Variants in FRRS1L observed in about 807,000 individuals in gnomAD.
FRRS1L encodes the protein ferric chelate reductase 1 like.
A neutral mutation model predicts 28.6 loss-of-function variants in FRRS1L; 22 were observed. The observed-to-expected ratio is 0.77, with a 90% confidence interval of 0.55 to 1.10. FRRS1L has a LOEUF of 1.10. Among genes scored for constraint, FRRS1L ranks in the 50% least tolerant of loss-of-function variants. The pLI is 0.00. For synonymous variants in FRRS1L, 158 were observed against 151.4 expected (o/e 1.04, Z -0.32); for missense variants, 380 against 386.9 (o/e 0.98, Z 0.15).
intron 1 of FRRS1L, among the ~76,000 whole-genome samples, chr9:109,155,482 G>A (rs905932787): frequency 6.6e-6 from 1 of 152,172 alleles, no homozygotes; most frequent in Non-Finnish European, 1.5e-5. Context: ...AGGAGGCTGA[G>A]GCAGGCAGAT....
At position 109,134,459 on chromosome 9, in the gene FRRS1L, C is replaced by A. The variant is rs962010486; in HGVS notation, c.*2996G>T. 2 of 152,066 alleles carry A rather than the reference C, an allele frequency of 1.3e-5. No homozygotes were observed. The highest frequency in any genetic ancestry group is 2.9e-5 in the Non-Finnish European group (2 of 68,032). 9.4% of individuals were successfully genotyped at this position (152,066 alleles called of 1,614,324 possible). A position where few individuals can be genotyped will look rare whatever the true frequency, so the allele number is the denominator to read the frequency against. On this transcript the variant is annotated 3_prime_UTR_variant, in exon 5 of 5. Transcript: ENST00000561981. ...TAGGTGAATAGGAGTTCATCAAGCACAAGAGGTGGAGAATATGAACAAAAT... is the reference window on the plus strand; with the variant it reads ...TAGGTGAATAGGAGTTCATCAAGCAAAAGAGGTGGAGAATATGAACAAAAT...
intron 4 of FRRS1L, chr9:109,137,910 T>C (rs1831135396): frequency 1.1e-5 from 2 of 183,410 alleles, no homozygotes; most frequent in African/African-American, 4.7e-5. Context: ...ATCTCAATTT[T>C]AAAACTACTA....
In FRRS1L at chr9:109,136,345, A is replaced by G. The variant is rs1420001078; in HGVS notation, c.*1110T>C. The G allele has an allele frequency of 6.6e-6, 1 of 151,988 alleles. No homozygotes were observed. Among genetic ancestry groups the G allele is most frequent in the Non-Finnish European group, 1.5e-5 (1 of 68,004 alleles). 9.4% of individuals were successfully genotyped at this position (151,988 alleles called of 1,614,324 possible). ...TAGTTTTATAAAATTCAGTGGTAGA[A>G]AAGTTCAAATTCTAACTGCTAAGAA... On this transcript the variant is annotated 3_prime_UTR_variant, in exon 5 of 5. Transcript: ENST00000561981.
In FRRS1L at chr9:109,143,848, AG is replaced by A. The variant is rs1345545306; in HGVS notation, c.463-2260del. On this transcript the variant is annotated intron_variant, in intron 3 of 4. Coordinates refer to ENST00000561981, the MANE Select transcript of FRRS1L (RefSeq NM_014334.4). ...TTTAAAAAGTTAAACGCTTTTAAAA[AG>A]GGGTTCCATTTTGTTTTTCCTATAC... Among the ~76,000 whole-genome samples the A allele has an allele frequency of 2.6e-5, 4 of 152,242 alleles. No individual in the cohort carries two copies. The South Asian group carries it at 8.3e-4, about 32-fold the overall frequency.
At chr9:109,143,990 C>CA (rs1831222087) in intron 3 of FRRS1L, among the ~76,000 whole-genome samples, 1 of 151,874 alleles carries the variant, frequency 6.6e-6, no homozygotes, top group African/African-American at 2.4e-5. Flanking sequence ...CTTTAGATAC[C>CA]AAAATATCAA....
rs372132580 is a variant in FRRS1L at position 109,134,383 on chromosome 9, A to C, written c.*3072T>G. The C allele has an allele frequency of 2.3e-4, 35 of 152,322 alleles. No individual in the cohort carries two copies. The highest frequency in any genetic ancestry group is 7.7e-4 in the African/African-American group (32 of 41,576). The allele number at this position is 152,322 out of a possible 1,614,324, so 9.4% of individuals were successfully genotyped here. On this transcript the variant is annotated 3_prime_UTR_variant, in exon 5 of 5. Coordinates refer to ENST00000561981, the MANE Select transcript of FRRS1L (RefSeq NM_014334.4). ...ATGGGAGCATTTGATGGGGGCCTGG[A>C]CCTATGTAGTCCAGAGATTTGGAGG...
intron 1 of FRRS1L, among the ~76,000 whole-genome samples, chr9:109,164,268 G>T (rs1004564972): frequency 6.6e-6 from 1 of 152,180 alleles, no homozygotes; most frequent in African/African-American, 2.4e-5. Context: ...TCAGAGAGAA[G>T]AGGGTAGGAG....
intron 3 of FRRS1L, among the ~76,000 whole-genome samples, chr9:109,145,715 A>G (rs531996667): frequency 6.6e-6 from 1 of 152,092 alleles, no homozygotes; most frequent in South Asian, 2.1e-4. Flanking sequence ...CTCTGTCTAA[A>G]AAATAAAAAA....
In FRRS1L at chr9:109,133,026, T is replaced by C. The variant is rs1186678724; in HGVS notation, c.*4429A>G. The C allele has an allele frequency of 6.6e-6, 1 of 152,216 alleles. No homozygotes were observed. The highest frequency in any genetic ancestry group is 6.5e-5 in the Admixed American group (1 of 15,274). The allele number at this position is 152,216 out of a possible 1,614,324, so 9.4% of individuals were successfully genotyped here. On this transcript the variant is annotated 3_prime_UTR_variant, in exon 5 of 5. Transcript: ENST00000561981. ...ACAGTAAACTTAATTCCAGAAATAGTAGTAAATACCATCTAGGATGGAAAT... is the reference window on the plus strand; with the variant it reads ...ACAGTAAACTTAATTCCAGAAATAGCAGTAAATACCATCTAGGATGGAAAT...
At chr9:109,145,795 C>T (rs1374418934) in intron 3 of FRRS1L, among the ~76,000 whole-genome samples, 2 of 152,168 alleles carry the variant, frequency 1.3e-5, no homozygotes, top group East Asian at 1.9e-4. Context: ...AAGGGTAGCA[C>T]ACCCAACAGG....
At chr9:109,149,316 C>T (rs564280037) in intron 2 of FRRS1L, among the ~76,000 whole-genome samples, 23 of 152,292 alleles carry the variant, frequency 1.5e-4, no homozygotes, top group African/African-American at 4.8e-4. Context: ...GCCCACAGCC[C>T]CTGCTGAATA....
chr9:109,134,825 A>C lies in FRRS1L; in HGVS notation c.*2630T>G, dbSNP rs1051552836. On this transcript the variant is annotated 3_prime_UTR_variant, in exon 5 of 5. Coordinates refer to ENST00000561981, the MANE Select transcript of FRRS1L (RefSeq NM_014334.4). ...TATACACATAAGAGAGAGAAATATA[A>C]AAATATTTGCTTCTTATTTACAACA... 2 of 152,160 alleles carry C rather than the reference A, an allele frequency of 1.3e-5. No homozygotes were observed. Among genetic ancestry groups the C allele is most frequent in the Admixed American group, 6.5e-5 (1 of 15,278 alleles). 9.4% of individuals were successfully genotyped at this position (152,160 alleles called of 1,614,324 possible).
chr9:109,162,645 T>C (rs887502123), intron 1 of FRRS1L, among the ~76,000 whole-genome samples: 3 of 152,230 alleles, frequency 2.0e-5, no homozygotes, highest in African/African-American at 4.8e-5. Flanking sequence ...GTTGCTCTAA[T>C]TGGTATTATG....
intron 1 of FRRS1L, among the ~76,000 whole-genome samples, chr9:109,163,409 T>G (rs1831503342): frequency 6.6e-6 from 1 of 152,146 alleles, no homozygotes; most frequent in Non-Finnish European, 1.5e-5. Context: ...AGAGGTGACA[T>G]TTGAGCTGAG....
chr9:109,163,521 T>A (rs528310416), intron 1 of FRRS1L, among the ~76,000 whole-genome samples: 1 of 152,254 alleles, frequency 6.6e-6, no homozygotes, highest in African/African-American at 2.4e-5. Context: ...TAGGGGGTGA[T>A]CATTTTCTTG....
intron 1 of FRRS1L, among the ~76,000 whole-genome samples, chr9:109,152,687 C>A (rs1344910624): frequency 2.0e-5 from 3 of 150,414 alleles, no homozygotes; most frequent in African/African-American, 7.3e-5. Flanking sequence ...ACCTGTAGTC[C>A]CAGCTACTCA....
At chr9:109,162,895 T>G (rs1036492958) in intron 1 of FRRS1L, among the ~76,000 whole-genome samples, 2 of 152,196 alleles carry the variant, frequency 1.3e-5, no homozygotes, top group Non-Finnish European at 2.9e-5. Flanking sequence ...AGAAAATCCT[T>G]GATTGAGCCA....
At chr9:109,164,126 C>A (rs949492577) in intron 1 of FRRS1L, among the ~76,000 whole-genome samples, 1 of 152,146 alleles carries the variant, frequency 6.6e-6, no homozygotes, top group Non-Finnish European at 1.5e-5. Context: ...CTATTCAGGA[C>A]CCACAGGGAT....
At chr9:109,162,952 T>C (rs755998214) in intron 1 of FRRS1L, among the ~76,000 whole-genome samples, 2 of 152,208 alleles carry the variant, frequency 1.3e-5, no homozygotes, top group Non-Finnish European at 2.9e-5. Flanking sequence ...TAAGTGACCA[T>C]AAATGATGTT....
Sources: gnomAD v4.1 joint callset for allele counts (sites outside exome capture counted in the v4.1 genomes callset) on GRCh38, gnomAD v4.1.1 for gene constraint, MANE v1.5 for transcripts, NCBI Gene and HGNC (gene_info 2026-07-23, HGNC 2026-07-21) for gene names.